Variants in UBAC2 observed in about 807,000 individuals in gnomAD.
The protein encoded by UBAC2 is ubiquitin-associated domain-containing protein 2.
In UBAC2, 26 loss-of-function variants were observed where a neutral mutation model predicts 44.0. The observed-to-expected ratio is 0.59, with a 90% CI of 0.43 to 0.82. The LOEUF is 0.82. Ranked by LOEUF, UBAC2 falls within the 40% of genes least tolerant of loss-of-function variation. The pLI is 0.00. For synonymous variants in UBAC2, 155 were observed against 154.3 expected (o/e 1.00, Z -0.04); for missense variants, 329 against 419.4 (o/e 0.78, Z 1.88).
chr13:99,362,968 A>G (rs551936983), intron 7 of UBAC2, among the ~76,000 whole-genome samples: 14 of 152,338 alleles, frequency 9.2e-5, no homozygotes, highest in African/African-American at 3.4e-4. Flanking sequence ...TTCCTATCCT[A>G]ATGACATGAA....
chr13:99,222,313 C>A (rs1408145934), intron 1 of UBAC2, among the ~76,000 whole-genome samples: 6 of 152,080 alleles, frequency 3.9e-5, no homozygotes, highest in Non-Finnish European at 8.8e-5. Context: ...AATGAGGACT[C>A]AATGGTGAGA....
intron 1 of UBAC2, among the ~76,000 whole-genome samples, chr13:99,237,187 T>A (rs2043243647): frequency 6.6e-6 from 1 of 151,908 alleles, no homozygotes; most frequent in Non-Finnish European, 1.5e-5. Context: ...CTTTATTGAC[T>A]AGTTCCCTCT....
chr13:99,346,106 A>G (rs141549663), intron 7 of UBAC2, among the ~76,000 whole-genome samples: 152 of 152,152 alleles, frequency 1.0e-3, no homozygotes, highest in African/African-American at 3.5e-3. Flanking sequence ...AAAAGCACCC[A>G]TTGTTTACCC....
At chr13:99,263,389 G>A (rs937534412) in intron 4 of UBAC2, among the ~76,000 whole-genome samples, 3 of 152,218 alleles carry the variant, frequency 2.0e-5, no homozygotes, top group Non-Finnish European at 4.4e-5. Context: ...CAAATGGTCA[G>A]CAACATGTAA....
intron 4 of UBAC2, among the ~76,000 whole-genome samples, chr13:99,245,786 G>A (rs540955627): frequency 3.3e-5 from 5 of 152,272 alleles, no homozygotes; most frequent in Admixed American, 1.3e-4. Flanking sequence ...AGTGAGCGGA[G>A]ATCGCTCCAC....
At chr13:99,344,980 T>A (rs1217661762) in intron 7 of UBAC2, among the ~76,000 whole-genome samples, 2 of 152,174 alleles carry the variant, frequency 1.3e-5, no homozygotes, top group Admixed American at 1.3e-4. Flanking sequence ...GAAGCACCCA[T>A]GCAGTGAAAA....
intron 1 of UBAC2, among the ~76,000 whole-genome samples, chr13:99,236,144 G>T (rs1046955706): frequency 2.6e-5 from 4 of 152,190 alleles, no homozygotes; most frequent in East Asian, 3.8e-4. Context: ...GTTGGTCTGG[G>T]CAAAGACTTT....
intron 7 of UBAC2, chr13:99,351,472 G>A: frequency 4.4e-6 from 2 of 454,128 alleles, no homozygotes; most frequent in Non-Finnish European, 8.9e-6. Flanking sequence ...TTTACCACCT[G>A]GCCCTTTACA....
chr13:99,228,463 T>G (rs2043136496), intron 1 of UBAC2, among the ~76,000 whole-genome samples: 2 of 151,874 alleles, frequency 1.3e-5, no homozygotes, highest in African/African-American at 4.8e-5. Context: ...CCGGCTAATT[T>G]TTGTATTTTT....
intron 1 of UBAC2, among the ~76,000 whole-genome samples, chr13:99,238,155 T>A (rs1419427182): frequency 6.6e-6 from 1 of 152,218 alleles, no homozygotes; most frequent in African/African-American, 2.4e-5. Flanking sequence ...CTGAAAGGTG[T>A]TCTATGGAAG....
At chr13:99,379,384 A>G (rs982911813) in intron 8 of UBAC2, among the ~76,000 whole-genome samples, 1 of 152,234 alleles carries the variant, frequency 6.6e-6, no homozygotes, top group African/African-American at 2.4e-5. Context: ...GACCTTGGCA[A>G]ACTCACCAAT....
chr13:99,378,245 G>C (rs1047021866), intron 8 of UBAC2, among the ~76,000 whole-genome samples: 2 of 152,212 alleles, frequency 1.3e-5, no homozygotes, highest in African/African-American at 2.4e-5. Context: ...TTCAATATCT[G>C]GCTGGGCTCA....
At chr13:99,289,295 G>A (rs777717787) in intron 4 of UBAC2, among the ~76,000 whole-genome samples, 3 of 152,210 alleles carry the variant, frequency 2.0e-5, no homozygotes, top group Non-Finnish European at 4.4e-5. Flanking sequence ...TAAGGGAGGC[G>A]GTGTGATTTG....
intron 4 of UBAC2, among the ~76,000 whole-genome samples, chr13:99,285,904 G>A (rs760553725): frequency 6.6e-6 from 1 of 152,004 alleles, no homozygotes; most frequent in East Asian, 1.9e-4. Flanking sequence ...CACATCCAAC[G>A]GGGTGCCAGA....
intron 1 of UBAC2, 176 bp downstream of exon 1, chr13:99,201,115 C>G (rs891827995): frequency 1.5e-6 from 2 of 1,351,534 alleles, no homozygotes; most frequent in East Asian, 5.5e-5. Context: ...AAACCGCCCC[C>G]ATTTCGGCCT....
chr13:99,306,112 T>C lies in UBAC2; in HGVS notation c.390-7985T>C, dbSNP rs368965405. Among the ~76,000 whole-genome samples, 5 of 152,238 alleles carry C rather than the reference T, an allele frequency of 3.3e-5. No individual in the cohort carries two copies. In the South Asian group the frequency reaches 6.2e-4, roughly 19 times the overall value. ...GGTTTCACCATGTTGGCCAGGCTGG[T>C]CTCGAACTCCTGATCTCAGGTGATC... On this transcript the variant is annotated intron_variant, in intron 4 of 8. Coordinates refer to ENST00000403766, the MANE Select transcript of UBAC2 (RefSeq NM_001144072.2).
intron 6 of UBAC2, among the ~76,000 whole-genome samples, chr13:99,338,195 C>T (rs1477603815): frequency 6.6e-6 from 1 of 151,386 alleles, no homozygotes; most frequent in Non-Finnish European, 1.5e-5. Context: ...GTAGCTGGGA[C>T]CACAGGTGTG....
chr13:99,309,359 T>C (rs1174293660), intron 4 of UBAC2, among the ~76,000 whole-genome samples: 1 of 152,178 alleles, frequency 6.6e-6, no homozygotes, highest in Non-Finnish European at 1.5e-5. Context: ...TCTGCCTGCA[T>C]TGGCCTCCCA....
At chr13:99,380,348 G>A (rs988660554) in intron 8 of UBAC2, among the ~76,000 whole-genome samples, 20 of 152,178 alleles carry the variant, frequency 1.3e-4, no homozygotes, top group African/African-American at 3.9e-4. Flanking sequence ...AGGAGAGACC[G>A]TAATGAGATG....
Sources: gnomAD v4.1 joint callset for allele counts (sites outside exome capture counted in the v4.1 genomes callset) on GRCh38, gnomAD v4.1.1 for gene constraint, MANE v1.5 for transcripts, NCBI Gene and HGNC (gene_info 2026-07-23, HGNC 2026-07-21) for gene names.